Variants in ITGB6 observed in about 807,000 individuals in gnomAD.
ITGB6 encodes integrin subunit beta 6.
A neutral mutation model predicts 84.5 loss-of-function variants in ITGB6; 80 were observed. The ratio of observed to expected loss-of-function variants is 0.95; its 90% CI spans 0.79 to 1.14. The LOEUF is 1.14. Among genes scored for constraint, ITGB6 ranks in the 50% most tolerant of loss-of-function variants. The pLI, the probability that ITGB6 is intolerant of heterozygous loss-of-function variation, is 0.00. For synonymous variants in ITGB6, 383 were observed against 354.9 expected, an observed-to-expected ratio of 1.08 and a Z score of -0.89; for missense variants, 1,006 against 968.0, an observed-to-expected ratio of 1.04 and a Z score of -0.52.
intron 4 of ITGB6, among the ~76,000 whole-genome samples, chr2:160,175,131 T>A (rs1685368094): frequency 6.6e-6 from 1 of 152,186 alleles, no homozygotes; most frequent in Non-Finnish European, 1.5e-5. Flanking sequence ...AACTGGTTGA[T>A]TCTTAATATG....
At chr2:160,138,891 G>T (rs561369616) in intron 8 of ITGB6, among the ~76,000 whole-genome samples, 1 of 152,202 alleles carries the variant, frequency 6.6e-6, no homozygotes, top group South Asian at 2.1e-4. Flanking sequence ...CTAATGAATT[G>T]AAGTGAGTAC....
At chr2:160,171,331 T>A (rs1438797537) in intron 6 of ITGB6, among the ~76,000 whole-genome samples, 1 of 145,528 alleles carries the variant, frequency 6.9e-6, no homozygotes, top group Non-Finnish European at 1.5e-5. Context: ...TCAAATTTAT[T>A]TTTTTATTTT....
intron 7 of ITGB6, among the ~76,000 whole-genome samples, chr2:160,142,364 A>G (rs1684031422): frequency 6.6e-6 from 1 of 152,204 alleles, no homozygotes; most frequent in South Asian, 2.1e-4. Context: ...AAATAATAGT[A>G]GCATTTATAT....
At chr2:160,189,777 A>C (rs1213412293) in intron 4 of ITGB6, among the ~76,000 whole-genome samples, 2 of 152,268 alleles carry the variant, frequency 1.3e-5, no homozygotes, top group African/African-American at 2.4e-5. Flanking sequence ...TAGTTCAACC[A>C]TTGTGGAAGT....
At chr2:160,123,698 G>A (rs1387665236) in intron 12 of ITGB6, 93 bp downstream of exon 12, 1 of 877,020 alleles carries the variant, frequency 1.1e-6, no homozygotes, top group East Asian at 2.4e-5. Context: ...ATAAGGTCAA[G>A]CTACTAAATA....
At chr2:160,180,852 G>C (rs568645863) in intron 4 of ITGB6, among the ~76,000 whole-genome samples, 13 of 152,304 alleles carry the variant, frequency 8.5e-5, no homozygotes, top group African/African-American at 3.1e-4. Flanking sequence ...GCCGAAGCAG[G>C]GTGGGGCGTC....
intron 12 of ITGB6, among the ~76,000 whole-genome samples, chr2:160,118,252 G>A (rs920542974): frequency 6.6e-5 from 10 of 152,162 alleles, no homozygotes; most frequent in African/African-American, 2.4e-4. Context: ...GAACATTGAT[G>A]GAAAAATCCT....
At chr2:160,121,943 C>T (rs763026061) in intron 12 of ITGB6, among the ~76,000 whole-genome samples, 5 of 146,822 alleles carry the variant, frequency 3.4e-5, no homozygotes, top group Admixed American at 2.7e-4. Context: ...AAATAAAATT[C>T]CTCTTGTTGG....
At chr2:160,133,166 C>T (rs1036648893) in intron 10 of ITGB6, among the ~76,000 whole-genome samples, 6 of 152,074 alleles carry the variant, frequency 3.9e-5, no homozygotes, top group Non-Finnish European at 7.4e-5. Flanking sequence ...ATTCAGGAAA[C>T]CCATCTCACT....
At position 160,184,112 on chromosome 2, in the gene ITGB6, C is replaced by A. The variant is rs192703077; in HGVS notation, c.594-9973G>T. Among the ~76,000 whole-genome samples the A allele has an allele frequency of 2.6e-5, 4 of 151,916 alleles. No homozygotes were observed. In the South Asian group the frequency reaches 8.3e-4, roughly 32 times the overall value. ...AACAAATTCCAAAGCTAGCAGGGGA[C>A]AAGAAATAACTAAGATTAGAGCAGA... On this transcript the variant is annotated intron_variant, in intron 4 of 14. Coordinates refer to ENST00000283249, the MANE Select transcript of ITGB6 (RefSeq NM_000888.5).
intron 12 of ITGB6, among the ~76,000 whole-genome samples, chr2:160,120,668 T>TAAAAAAAAAAA (rs200095827): frequency 6.2e-5 from 1 of 16,122 alleles, no homozygotes; most frequent in Non-Finnish European, 1.2e-4. Context: ...AGAGTATAAT[T>TAAAAAAAAAAA]AAAAAAAAAA....
intron 7 of ITGB6, among the ~76,000 whole-genome samples, chr2:160,142,328 T>G (rs749880066): frequency 2.0e-5 from 3 of 152,158 alleles, no homozygotes; most frequent in Non-Finnish European, 2.9e-5. Context: ...AGGCTGTGAT[T>G]TTTGTCTCCA....
chr2:160,198,960 T>C (rs2105901491), intron 2 of ITGB6, among the ~76,000 whole-genome samples: 1 of 152,340 alleles, frequency 6.6e-6, no homozygotes. Flanking sequence ...AAAATTTTTT[T>C]CCGAATTATT....
rs149923249 is a variant in ITGB6 at position 160,153,887 on chromosome 2, C to G, written c.1018-11816G>C. 6.8e-3 allele frequency among the ~76,000 whole-genome samples: 1,035 copies of G among 152,242 alleles called. 4 individuals carry two copies. The highest frequency in any genetic ancestry group is 0.012 in the Non-Finnish European group (822 of 68,012). On this transcript the variant is annotated intron_variant, in intron 7 of 14. Transcript: ENST00000283249. ...GCAAATCAAAACCACAATGAGATAC[C>G]ATCTCACACTAATTAGAATGGTGAT...
intron 10 of ITGB6, 39 bp downstream of exon 10, chr2:160,137,395 G>A: frequency 4.5e-6 from 7 of 1,564,690 alleles, no homozygotes; most frequent in East Asian, 2.3e-5. Flanking sequence ...GCTGATACTT[G>A]AGCAGCCACA....
chr2:160,124,077 C>G (rs543488059), intron 11 of ITGB6, among the ~76,000 whole-genome samples, 189 bp from the exon 12 acceptor site: 1 of 152,340 alleles, frequency 6.6e-6, no homozygotes, highest in Admixed American at 6.5e-5. Flanking sequence ...CTGAGTTCCA[C>G]TCAGTAATCA....
At chr2:160,102,660 T>C (rs1574026583) in intron 14 of ITGB6, among the ~76,000 whole-genome samples, 1 of 152,182 alleles carries the variant, frequency 6.6e-6, no homozygotes, top group African/African-American at 2.4e-5. Context: ...CCAATAGCAG[T>C]GGTGCTGTAG....
At chr2:160,115,395 C>T (rs1202192299) in intron 12 of ITGB6, among the ~76,000 whole-genome samples, 1 of 152,226 alleles carries the variant, frequency 6.6e-6, no homozygotes, top group Non-Finnish European at 1.5e-5. Flanking sequence ...GATACCCAGG[C>T]AAACAGGGTC....
chr2:160,129,087 G>A lies in ITGB6; in HGVS notation c.1661-2486C>T, dbSNP rs116719357. Among the ~76,000 whole-genome samples, 931 of 152,008 alleles carry A rather than the reference G, an allele frequency of 6.1e-3. 3 individuals carry two copies. Among genetic ancestry groups the A allele is most frequent in the African/African-American group, 0.021 (879 of 41,450 alleles). ...GGATCCTTATAGAAGAGACTGAGAGGTAGGAAGGGAACAGAAGTGATATTG... is the reference window on the plus strand; with the variant it reads ...GGATCCTTATAGAAGAGACTGAGAGATAGGAAGGGAACAGAAGTGATATTG... On this transcript the variant is annotated intron_variant, in intron 10 of 14. Coordinates refer to ENST00000283249, the MANE Select transcript of ITGB6 (RefSeq NM_000888.5).
Sources: gnomAD v4.1 joint callset for allele counts (sites outside exome capture counted in the v4.1 genomes callset) on GRCh38, gnomAD v4.1.1 for gene constraint, MANE v1.5 for transcripts, NCBI Gene and HGNC (gene_info 2026-07-23, HGNC 2026-07-21) for gene names.